The following PPP2R5E variants were observed in gnomAD, a reference collection of about 807,000 sequenced individuals.
The protein encoded by PPP2R5E is protein phosphatase 2 regulatory subunit B'epsilon.
Under a neutral mutation model 65.3 loss-of-function variants are expected in PPP2R5E, and 4 were observed. That is an observed-to-expected ratio of 0.06 (90% CI 0.03 to 0.14). The LOEUF (loss-of-function observed/expected upper bound fraction) is 0.14, where lower values mean the gene tolerates loss of function less well. Ranked by LOEUF, PPP2R5E falls within the 10% of genes least tolerant of loss-of-function variation. The pLI is 1.00. For synonymous variants in PPP2R5E, 183 were observed against 187.4 expected (o/e 0.98, Z 0.19); for missense variants, 274 against 556.1 (o/e 0.49, Z 5.10).
intron 3 of PPP2R5E, among the ~76,000 whole-genome samples, chr14:63,448,989 C>A (rs1888665064): frequency 6.6e-6 from 1 of 152,166 alleles, no homozygotes; most frequent in South Asian, 2.1e-4. Flanking sequence ...CTTTTCTTCC[C>A]CTAACAGGAA....
At chr14:63,441,499 T>C (rs1888234097) in intron 3 of PPP2R5E, among the ~76,000 whole-genome samples, 1 of 152,240 alleles carries the variant, frequency 6.6e-6, no homozygotes, top group African/African-American at 2.4e-5. Flanking sequence ...ACTCTCCAAG[T>C]GAGCAGCATC....
chr14:63,486,982 A>T (rs1488493012), intron 2 of PPP2R5E, among the ~76,000 whole-genome samples: 1 of 152,210 alleles, frequency 6.6e-6, no homozygotes, highest in East Asian at 1.9e-4. Flanking sequence ...ATTATATACA[A>T]TTATATTTGC....
chr14:63,469,475 G>C (rs1285084615), intron 2 of PPP2R5E, among the ~76,000 whole-genome samples: 1 of 152,150 alleles, frequency 6.6e-6, no homozygotes, highest in South Asian at 2.1e-4. Context: ...GGCTGATCAC[G>C]AGGTCAGGAG....
intron 3 of PPP2R5E, among the ~76,000 whole-genome samples, chr14:63,422,676 G>A (rs902044261): frequency 1.4e-5 from 2 of 143,576 alleles, no homozygotes; most frequent in East Asian, 2.2e-4. Flanking sequence ...GCAGTAAGCC[G>A]AGATCGCGGC....
intron 3 of PPP2R5E, among the ~76,000 whole-genome samples, chr14:63,429,419 T>C (rs1341529264): frequency 6.6e-6 from 1 of 152,234 alleles, no homozygotes; most frequent in Non-Finnish European, 1.5e-5. Context: ...ATATGAATGA[T>C]GATAAACAGA....
intron 2 of PPP2R5E, among the ~76,000 whole-genome samples, chr14:63,464,243 G>T (rs934660762): frequency 3.3e-5 from 5 of 152,112 alleles, no homozygotes; most frequent in Non-Finnish European, 5.9e-5. Context: ...ACAAATAATA[G>T]AAACTAAAAA....
At chr14:63,541,873 TGA>T (rs1893917073) in intron 1 of PPP2R5E, among the ~76,000 whole-genome samples, 1 of 152,222 alleles carries the variant, frequency 6.6e-6, no homozygotes, top group Admixed American at 6.5e-5. Context: ...TAATATAATG[TGA>T]TGGATTCAAA....
intron 2 of PPP2R5E, among the ~76,000 whole-genome samples, chr14:63,466,576 T>C (rs1889812290): frequency 6.6e-6 from 1 of 152,350 alleles, no homozygotes; most frequent in African/African-American, 2.4e-5. Flanking sequence ...TTAATTAATA[T>C]AGTTAAATAC....
At position 63,539,517 on chromosome 14, in the gene PPP2R5E, C is replaced by T; in HGVS notation, c.157+12G>A. On this transcript the variant is annotated intron_variant, in intron 2 of 13. Coordinates refer to ENST00000337537, the MANE Select transcript of PPP2R5E (RefSeq NM_006246.5). ...ATTGAAAAAGAATGCATCACCTGGT[C>T]ATGAGCCTTACCTTTTAGCAGCGGC... 1 of 1,611,586 alleles carries T rather than the reference C, an allele frequency of 6.2e-7. No individual in the cohort carries two copies. The highest frequency in any genetic ancestry group is 1.1e-5 in the South Asian group (1 of 90,568).
At chr14:63,523,795 T>C (rs1042226356) in intron 2 of PPP2R5E, among the ~76,000 whole-genome samples, 5 of 152,050 alleles carry the variant, frequency 3.3e-5, no homozygotes, top group Admixed American at 2.0e-4. Flanking sequence ...AGTAGCCTTC[T>C]TACCCTCAAA....
At chr14:63,475,089 G>GATCCTTGAT (rs1890340655) in intron 2 of PPP2R5E, among the ~76,000 whole-genome samples, 4 of 152,212 alleles carry the variant, frequency 2.6e-5, no homozygotes, top group African/African-American at 9.6e-5. Context: ...GATGATCAAG[G>GATCCTTGAT]CAGATCAACC....
chr14:63,472,398 T>C (rs1478869511), intron 2 of PPP2R5E, among the ~76,000 whole-genome samples: 1 of 152,240 alleles, frequency 6.6e-6, no homozygotes, highest in African/African-American at 2.4e-5. Flanking sequence ...TCCTTTGCAC[T>C]AAAGCTGGCT....
At chr14:63,498,971 AG>A (rs1490727576) in intron 2 of PPP2R5E, among the ~76,000 whole-genome samples, 16 of 152,194 alleles carry the variant, frequency 1.1e-4, no homozygotes, top group African/African-American at 3.4e-4. Context: ...ATTGTGTGTC[AG>A]GTACCAATGT....
chr14:63,411,737 T>A (rs939845119), intron 5 of PPP2R5E, among the ~76,000 whole-genome samples: 1 of 148,364 alleles, frequency 6.7e-6, no homozygotes. Context: ...GTGACACACA[T>A]GCTCCCCTTT....
At chr14:63,514,713 C>T (rs1197491921) in intron 2 of PPP2R5E, among the ~76,000 whole-genome samples, 2 of 152,266 alleles carry the variant, frequency 1.3e-5, no homozygotes, top group Non-Finnish European at 2.9e-5. Context: ...AGCAAGAATA[C>T]AATCGTAAAT....
intron 12 of PPP2R5E, among the ~76,000 whole-genome samples, chr14:63,384,162 T>C (rs1205125994): frequency 1.3e-5 from 2 of 151,972 alleles, no homozygotes; most frequent in East Asian, 1.9e-4. Context: ...GGCCATGCTG[T>C]CAGTATCTAC....
rs1883813866 is a variant in PPP2R5E at position 63,373,626 on chromosome 14, C to T, written c.*2383G>A. 2 of 152,176 alleles carry T rather than the reference C, an allele frequency of 1.3e-5. No homozygotes were observed. Among genetic ancestry groups the T allele is most frequent in the Admixed American group, 6.5e-5 (1 of 15,278 alleles). 9.4% of individuals were successfully genotyped at this position (152,176 alleles called of 1,614,324 possible). A position where few individuals can be genotyped will look rare whatever the true frequency, so the allele number is the denominator to read the frequency against. ...ATTCTTCTCAGTTTGGAATGATCAACATACAAAATTGACATCAAGGAGGAG... is the reference window on the plus strand; with the variant it reads ...ATTCTTCTCAGTTTGGAATGATCAATATACAAAATTGACATCAAGGAGGAG... On this transcript the variant is annotated 3_prime_UTR_variant, in exon 14 of 14. Transcript: ENST00000337537.
chr14:63,501,320 G>A (rs945516319), intron 2 of PPP2R5E, among the ~76,000 whole-genome samples: 1 of 151,858 alleles, frequency 6.6e-6, no homozygotes, highest in African/African-American at 2.4e-5. Context: ...CAGGAGAATG[G>A]CGTGAACCCG....
chr14:63,515,509 T>G (rs964967255), intron 2 of PPP2R5E, among the ~76,000 whole-genome samples: 1 of 152,186 alleles, frequency 6.6e-6, no homozygotes, highest in African/African-American at 2.4e-5. Flanking sequence ...TAATGTTGTT[T>G]TTGTGAACAT....
Sources: gnomAD v4.1 joint callset for allele counts (sites outside exome capture counted in the v4.1 genomes callset) on GRCh38, gnomAD v4.1.1 for gene constraint, MANE v1.5 for transcripts, NCBI Gene and HGNC (gene_info 2026-07-23, HGNC 2026-07-21) for gene names.